The following PARD3B variants were observed in gnomAD, a reference collection of about 807,000 sequenced individuals.
PARD3B encodes par-3 family cell polarity regulator beta.
A neutral mutation model predicts 130.2 loss-of-function variants in PARD3B; 103 were observed. That is an observed-to-expected ratio of 0.79 (90% CI 0.67 to 0.93). The LOEUF is 0.93. PARD3B is among the 40% of genes least tolerant of loss of function. The pLI, the probability that PARD3B is intolerant of heterozygous loss-of-function variation, is 0.00. For missense variants in PARD3B, 1,609 were observed against 1,499.2 expected, an observed-to-expected ratio of 1.07 and a Z score of -1.21; for synonymous variants, 583 against 553.2, an observed-to-expected ratio of 1.05 and a Z score of -0.76.
Position 205,276,258 on chromosome 2 carries a change from G to T in PARD3B, c.2186-24272G>T, listed in dbSNP as rs16837138. On this transcript the variant is annotated intron_variant, in intron 16 of 22. Transcript: ENST00000406610. This position sits in a 1 kb window ranked among gnomAD's most constrained non-coding sequence, Gnocchi z 5.0. ...CATCCCTCTGCCATTCCTTCCTTTTGTAGTGAGCCAGCAGGGCGCCTGGTG... is the reference window on the plus strand; with the variant it reads ...CATCCCTCTGCCATTCCTTCCTTTTTTAGTGAGCCAGCAGGGCGCCTGGTG... Among the ~76,000 whole-genome samples, 1 of 152,146 alleles carries T rather than the reference G, an allele frequency of 6.6e-6. No homozygotes were observed. Among genetic ancestry groups the T allele is most frequent in the African/African-American group, 2.4e-5 (1 of 41,434 alleles).
chr2:204,902,843 A>G (rs1456327184), intron 2 of PARD3B, among the ~76,000 whole-genome samples: 1 of 152,314 alleles, frequency 6.6e-6, no homozygotes, highest in Non-Finnish European at 1.5e-5. Flanking sequence ...CTTGCCAGCA[A>G]TGGCTCCTGA....
chr2:204,998,958 G>A (rs1047324695), intron 3 of PARD3B, among the ~76,000 whole-genome samples: 12 of 152,126 alleles, frequency 7.9e-5, no homozygotes, highest in African/African-American at 2.7e-4. Flanking sequence ...GTGATCCAAA[G>A]TGCTGGGATT....
intron 20 of PARD3B, among the ~76,000 whole-genome samples, chr2:205,490,229 C>T (rs1351660237): frequency 1.3e-5 from 2 of 152,094 alleles, no homozygotes; most frequent in African/African-American, 4.8e-5. Flanking sequence ...CGTCATTTAA[C>T]ATTAGGTGTA....
chr2:205,094,760 C>T (rs560327696), intron 4 of PARD3B, among the ~76,000 whole-genome samples: 1 of 152,292 alleles, frequency 6.6e-6, no homozygotes, highest in Admixed American at 6.5e-5. Context: ...TTTATCTCTA[C>T]TCTCTCTGAT....
chr2:205,394,382 G>A (rs910599240), intron 18 of PARD3B, among the ~76,000 whole-genome samples: 2 of 152,022 alleles, frequency 1.3e-5, no homozygotes, highest in East Asian at 3.9e-4. Flanking sequence ...TAAATGCCCT[G>A]GAATTCCTCT....
chr2:205,615,889 C>A lies in PARD3B; in HGVS notation c.*76C>A, dbSNP rs2055418107. ...CCTTTGCCCTTTCTAAACCTGAAGACCTCCTTGGTGTTAGGAATTCTCCAT... is the reference window on the plus strand; with the variant it reads ...CCTTTGCCCTTTCTAAACCTGAAGAACTCCTTGGTGTTAGGAATTCTCCAT... On this transcript the variant is annotated 3_prime_UTR_variant, in exon 23 of 23. Coordinates refer to ENST00000406610, the MANE Select transcript of PARD3B (RefSeq NM_001302769.2). The A allele has an allele frequency of 1.6e-6, 2 of 1,257,706 alleles. No homozygotes were observed. Among genetic ancestry groups the A allele is most frequent in the Non-Finnish European group, 2.2e-6 (2 of 895,338 alleles). 77.9% of individuals were successfully genotyped at this position (1,257,706 alleles called of 1,614,324 possible).
rs193171241 is a variant in PARD3B, at chr2:205,373,415, A to G, written c.2631-27598A>G. On this transcript the variant is annotated intron_variant, in intron 18 of 22. Coordinates refer to ENST00000406610, the MANE Select transcript of PARD3B (RefSeq NM_001302769.2). ...TCTATTAGAATTTTTCACCACAGCA[A>G]TGGATTATGGGTTTTTTTCTGTGTT... Among the ~76,000 whole-genome samples the G allele has an allele frequency of 2.6e-4, 40 of 151,828 alleles. No individual in the cohort carries two copies. In the East Asian group the frequency reaches 3.9e-3, roughly 15 times the overall value.
intron 1 of PARD3B, among the ~76,000 whole-genome samples, chr2:204,553,614 C>A (rs62180286): frequency 5.2e-4 from 7 of 13,372 alleles, no homozygotes; most frequent in Non-Finnish European, 1.1e-3. Flanking sequence ...ATATATATGG[C>A]TATATACATA....
chr2:205,515,565 T>C (rs1029491742), intron 21 of PARD3B, among the ~76,000 whole-genome samples: 3 of 152,042 alleles, frequency 2.0e-5, no homozygotes, highest in Admixed American at 1.3e-4. Context: ...TATCGCGATA[T>C]TGAGTTTTTT....
Position 205,126,761 on chromosome 2 carries a change from A to C in PARD3B, c.1434+1024A>C, listed in dbSNP as rs2031472606. 7.3e-5 allele frequency among the ~76,000 whole-genome samples: 4 copies of C among 54,936 alleles called. No individual in the cohort carries two copies. The South Asian group carries it at 2.7e-3, about 38-fold the overall frequency. The allele number at this position is 54,936 out of a possible 152,430, so 36.0% of individuals were successfully genotyped here. A position where few individuals can be genotyped will look rare whatever the true frequency, so the allele number is the denominator to read the frequency against. The stretch of plus-strand genomic sequence containing the variant: ...GAGCGAGACTCCGTCTCAAAAAAAA[A>C]AAAAAAAAAAAAAAAAAAAAAAAAA... On this transcript the variant is annotated intron_variant, in intron 10 of 22. Transcript: ENST00000406610.
intron 15 of PARD3B, among the ~76,000 whole-genome samples, chr2:205,203,034 C>G (rs1017200124): frequency 1.3e-5 from 2 of 152,072 alleles, no homozygotes; most frequent in Non-Finnish European, 2.9e-5. Flanking sequence ...TTTTCTCAAG[C>G]TGGGGGCATG....
chr2:204,962,566 T>C (rs1447967668), intron 2 of PARD3B, among the ~76,000 whole-genome samples: 1 of 152,200 alleles, frequency 6.6e-6, no homozygotes, highest in Non-Finnish European at 1.5e-5. Flanking sequence ...ACTAGAACAG[T>C]GGTTTATGTT....
chr2:204,981,110 G>T (rs537791077), intron 3 of PARD3B, among the ~76,000 whole-genome samples: 4 of 152,138 alleles, frequency 2.6e-5, no homozygotes, highest in Non-Finnish European at 5.9e-5. Context: ...ACCAGCTCTT[G>T]GTGAGCCTGT....
intron 2 of PARD3B, among the ~76,000 whole-genome samples, chr2:204,796,106 G>A (rs1311410657): frequency 6.6e-6 from 1 of 152,170 alleles, no homozygotes; most frequent in Non-Finnish European, 1.5e-5. Context: ...AATGAAAAAA[G>A]TAACAATATT....
chr2:205,412,112 C>T (rs924246281), intron 19 of PARD3B, among the ~76,000 whole-genome samples: 1 of 152,094 alleles, frequency 6.6e-6, no homozygotes, highest in Non-Finnish European at 1.5e-5. Flanking sequence ...CTTCCCATTC[C>T]ACTCTTTCCC....
At chr2:204,953,951 T>G (rs563386242) in intron 2 of PARD3B, among the ~76,000 whole-genome samples, 1 of 152,148 alleles carries the variant, frequency 6.6e-6, no homozygotes, top group African/African-American at 2.4e-5. Flanking sequence ...GAAAGTCAAC[T>G]GTTCCCAGAA....
intron 16 of PARD3B, among the ~76,000 whole-genome samples, chr2:205,284,967 G>A (rs2041334202): frequency 1.4e-5 from 2 of 145,160 alleles, no homozygotes; most frequent in Non-Finnish European, 3.0e-5. Context: ...TTGCTCAAAA[G>A]TTGATTTTAA....
At chr2:204,746,061 A>G (rs1421995082) in intron 2 of PARD3B, among the ~76,000 whole-genome samples, 1 of 149,888 alleles carries the variant, frequency 6.7e-6, no homozygotes, top group Non-Finnish European at 1.5e-5. Flanking sequence ...TACATGTGCC[A>G]TGTTGGTGTG....
In PARD3B at chr2:205,341,263, T is replaced by C. The variant is rs2043518664; in HGVS notation, c.2630+39562T>C. On this transcript the variant is annotated intron_variant, in intron 18 of 22. Transcript: ENST00000406610. This position sits in a 1 kb window ranked among gnomAD's most constrained non-coding sequence, Gnocchi z 4.3. ...ACTGGGTATTTTTAAAGGAAAGGAGTCAGTATATCAAAGGGATACCTGCAC... is the reference window on the plus strand; with the variant it reads ...ACTGGGTATTTTTAAAGGAAAGGAGCCAGTATATCAAAGGGATACCTGCAC... Among the ~76,000 whole-genome samples the C allele has an allele frequency of 6.6e-6, 1 of 151,936 alleles. No homozygotes were observed. The highest frequency in any genetic ancestry group is 6.6e-5 in the Admixed American group (1 of 15,242).
Sources: allele counts gnomAD v4.1 joint callset (sites outside exome capture counted in the v4.1 genomes callset), GRCh38; gene constraint gnomAD v4.1.1; non-coding constraint Gnocchi (gnomAD v3.1); transcripts MANE v1.5; gene names NCBI Gene and HGNC (gene_info 2026-07-23, HGNC 2026-07-21).